Variants in GRB2 observed in about 807,000 individuals in gnomAD.
GRB2 encodes the protein growth factor receptor bound protein 2.
In GRB2, 2 loss-of-function variants were observed where a neutral mutation model predicts 27.4. That is an observed-to-expected ratio of 0.07 (90% CI 0.03 to 0.23). GRB2 has a LOEUF of 0.23. GRB2 is among the 10% of genes least tolerant of loss of function. The pLI, the probability that GRB2 is intolerant of heterozygous loss-of-function variation, is 1.00. For missense variants in GRB2, 102 were observed against 282.4 expected (o/e 0.36, Z 4.58); for synonymous variants, 94 against 99.6 (o/e 0.94, Z 0.33).
chr17:75,402,968 G>A (rs1196835185), intron 1 of GRB2, among the ~76,000 whole-genome samples: 2 of 150,184 alleles, frequency 1.3e-5, no homozygotes, highest in Admixed American at 6.7e-5. Context: ...CCAGCTACTA[G>A]CGAGGCTGAG....
intron 2 of GRB2, among the ~76,000 whole-genome samples, chr17:75,374,573 C>A (rs543132141): frequency 7.9e-5 from 12 of 152,018 alleles, no homozygotes; most frequent in Non-Finnish European, 1.5e-4. Context: ...CACACACACA[C>A]ACTAGCCGAG....
chr17:75,336,473 A>G (rs2078577566), intron 2 of GRB2, among the ~76,000 whole-genome samples: 2 of 152,184 alleles, frequency 1.3e-5, no homozygotes, highest in South Asian at 4.1e-4. Context: ...TTTGTGACCA[A>G]TAACTTTGCA....
At position 75,403,689 on chromosome 17, in the gene GRB2, A is replaced by G. The variant is rs112775561; in HGVS notation, c.-138+1800T>C. ...CGAGGCAGGAGAATCGCTTAAACCC[A>G]GGAGGTGGAAGCTGCAGTGAGCCGA... On this transcript the variant is annotated intron_variant, in intron 1 of 5. Coordinates refer to ENST00000316804, the MANE Select transcript of GRB2 (RefSeq NM_002086.5). 4.3e-3 allele frequency among the ~76,000 whole-genome samples: 658 copies of G among 152,268 alleles called. 8 individuals carry two copies. The highest frequency in any genetic ancestry group is 0.015 in the African/African-American group (636 of 41,548).
At chr17:75,363,962 G>GAGC (rs956044495) in intron 2 of GRB2, among the ~76,000 whole-genome samples, 2 of 146,550 alleles carry the variant, frequency 1.4e-5, no homozygotes, top group African/African-American at 5.2e-5. Context: ...ACTTTAGAAA[G>GAGC]AGCCAACCTC....
At chr17:75,363,081 CCAT>C (rs975177513) in intron 2 of GRB2, among the ~76,000 whole-genome samples, 2 of 152,088 alleles carry the variant, frequency 1.3e-5, no homozygotes, top group Non-Finnish European at 2.9e-5. Context: ...GTTCTGGACA[CCAT>C]ATTTCATAAT....
At chr17:75,341,304 G>A (rs1272194805) in intron 2 of GRB2, among the ~76,000 whole-genome samples, 4 of 151,436 alleles carry the variant, frequency 2.6e-5, no homozygotes, top group African/African-American at 4.9e-5. Context: ...TTGGTGGTGC[G>A]TGCCTGTAAT....
intron 2 of GRB2, among the ~76,000 whole-genome samples, chr17:75,356,104 G>C (rs28697227): frequency 6.6e-6 from 1 of 151,994 alleles, no homozygotes; most frequent in Admixed American, 6.6e-5. Context: ...AAAGTGCTAA[G>C]ATTACAGGCA....
chr17:75,328,415 C>G (rs189778627), intron 3 of GRB2, among the ~76,000 whole-genome samples: 3 of 150,320 alleles, frequency 2.0e-5, no homozygotes, highest in Non-Finnish European at 3.0e-5. Flanking sequence ...CCGAGGTGGG[C>G]GGATCATCTG....
intron 2 of GRB2, among the ~76,000 whole-genome samples, chr17:75,334,284 C>A (rs544664128): frequency 6.6e-6 from 1 of 152,096 alleles, no homozygotes; most frequent in Non-Finnish European, 1.5e-5. Context: ...CATTCTCTTG[C>A]CTCAGCCTCC....
chr17:75,324,535 T>TTTTTTTTTTTTTTG (rs1491359485), intron 4 of GRB2, among the ~76,000 whole-genome samples: 1 of 86,198 alleles, frequency 1.2e-5, no homozygotes, highest in African/African-American at 3.8e-5. Context: ...TTTTTTTTTT[T>TTTTTTTTTTTTTTG]GGAGACAGAG....
At chr17:75,384,056 G>A (rs1423858302) in intron 2 of GRB2, among the ~76,000 whole-genome samples, 2 of 152,160 alleles carry the variant, frequency 1.3e-5, no homozygotes, top group African/African-American at 2.4e-5. Flanking sequence ...CTCGCCTAGA[G>A]CCAGTATTCT....
chr17:75,359,653 T>C (rs2078766313), intron 2 of GRB2, among the ~76,000 whole-genome samples: 1 of 152,128 alleles, frequency 6.6e-6, no homozygotes, highest in Non-Finnish European at 1.5e-5. Context: ...CTTCCTGCCT[T>C]GAACTCCAAG....
intron 2 of GRB2, among the ~76,000 whole-genome samples, chr17:75,385,403 G>A (rs1439635584): frequency 6.6e-6 from 1 of 152,150 alleles, no homozygotes; most frequent in Non-Finnish European, 1.5e-5. Flanking sequence ...TGGGCATGGT[G>A]GTAGATGCTT....
intron 2 of GRB2, among the ~76,000 whole-genome samples, chr17:75,357,901 A>G (rs1271331408): frequency 2.0e-5 from 3 of 151,968 alleles, no homozygotes; most frequent in Non-Finnish European, 4.4e-5. Context: ...TGCCTAGGCG[A>G]CACAGTGAGA....
rs1352856301 is a variant in GRB2 at position 75,320,596 on chromosome 17, C to A, written c.469-43G>T. 1 of 1,523,508 alleles carries A rather than the reference C, an allele frequency of 6.6e-7. No individual in the cohort carries two copies. Among genetic ancestry groups the A allele is most frequent in the South Asian group, 1.1e-5 (1 of 88,814 alleles). 94.4% of individuals were successfully genotyped at this position (1,523,508 alleles called of 1,614,324 possible). A position where few individuals can be genotyped will look rare whatever the true frequency, so the allele number is the denominator to read the frequency against. On this transcript the variant is annotated intron_variant, in intron 5 of 5. Coordinates refer to ENST00000316804, the MANE Select transcript of GRB2 (RefSeq NM_002086.5). This position sits in a 1 kb window ranked among gnomAD's most constrained non-coding sequence, Gnocchi z 4.3. ...GAAAAACCCACATTGCATTCCTGGT[C>A]TGTGACTGGCCACCTCCGAGGCCAG... is the stretch of plus-strand genomic sequence containing the variant.
chr17:75,400,003 CTT>C (rs924110747), intron 1 of GRB2, among the ~76,000 whole-genome samples: 5 of 146,258 alleles, frequency 3.4e-5, no homozygotes, highest in Admixed American at 6.8e-5. Context: ...AATACATACT[CTT>C]TTTTTTTTTG....
chr17:75,353,292 T>TC (rs897540845), intron 2 of GRB2, among the ~76,000 whole-genome samples: 6 of 151,810 alleles, frequency 4.0e-5, no homozygotes, highest in African/African-American at 7.3e-5. Flanking sequence ...CAGTTGGCCC[T>TC]CTGCGTAAGT....
intron 2 of GRB2, chr17:75,371,348 A>C (rs1054699150): frequency 1.1e-4 from 16 of 152,182 alleles, no homozygotes; most frequent in Non-Finnish European, 2.2e-4. Context: ...AAATAAAGGC[A>C]AAAGAGCTGC....
intron 2 of GRB2, among the ~76,000 whole-genome samples, chr17:75,391,698 C>T (rs1008643088): frequency 6.6e-6 from 1 of 151,662 alleles, no homozygotes; most frequent in Non-Finnish European, 1.5e-5. Context: ...GTCCCGGCTA[C>T]TCGGGAGGCT....
Sources: gnomAD v4.1 joint callset for allele counts (sites outside exome capture counted in the v4.1 genomes callset) on GRCh38, gnomAD v4.1.1 for gene constraint, Gnocchi (gnomAD v3.1) non-coding constraint, MANE v1.5 for transcripts, NCBI Gene and HGNC (gene_info 2026-07-23, HGNC 2026-07-21) for gene names.